Variants in CADPS2 observed in about 807,000 individuals in gnomAD.
CADPS2 encodes the protein calcium dependent secretion activator 2.
A neutral mutation model predicts 172.5 loss-of-function variants in CADPS2; 93 were observed. The observed-to-expected ratio is 0.54, with a 90% CI of 0.46 to 0.64. CADPS2 has a LOEUF of 0.64. Among genes scored for constraint, CADPS2 ranks in the 30% least tolerant of loss-of-function variants. The pLI, the probability that CADPS2 is intolerant of heterozygous loss-of-function variation, is 0.00. For synonymous variants in CADPS2, 546 were observed against 555.2 expected (o/e 0.98, Z 0.23); for missense variants, 1,420 against 1,565.9 (o/e 0.91, Z 1.57).
At position 122,701,909 on chromosome 7, in the gene CADPS2, T is replaced by A. The variant is rs150450224; in HGVS notation, c.453+35046A>T. The A allele has an allele frequency of 1.1e-5, 18 of 1,613,632 alleles. No individual in the cohort carries two copies. Among genetic ancestry groups the A allele is most frequent in the Non-Finnish European group, 1.4e-5 (17 of 1,179,642 alleles). On this transcript the variant is annotated intron_variant, in intron 2 of 29. Coordinates refer to ENST00000449022, the MANE Select transcript of CADPS2 (RefSeq NM_017954.11). Reference sequence around the variant, plus strand: ...AAGCCAGGGGTCAATGCATGCCTTATGGAAAAAATGTTTGCAAGTTAAAAT... The same window carrying A: ...AAGCCAGGGGTCAATGCATGCCTTAAGGAAAAAATGTTTGCAAGTTAAAAT...
intron 1 of CADPS2, among the ~76,000 whole-genome samples, chr7:122,761,885 C>T (rs1382908810): frequency 6.7e-6 from 1 of 149,208 alleles, no homozygotes; most frequent in East Asian, 2.0e-4. Flanking sequence ...GTAATCCTAG[C>T]TACTACGGAA....
chr7:122,850,748 C>T (rs1314140541), intron 1 of CADPS2, among the ~76,000 whole-genome samples: 1 of 152,196 alleles, frequency 6.6e-6, no homozygotes, highest in African/African-American at 2.4e-5. Context: ...TCCACAAAGC[C>T]TTATTATCAA....
chr7:122,735,260 A>C (rs2092066029), intron 2 of CADPS2, among the ~76,000 whole-genome samples: 2 of 152,126 alleles, frequency 1.3e-5, no homozygotes, highest in African/African-American at 4.8e-5. Context: ...TTTCCACCCA[A>C]GTCCTAGTTT....
intron 5 of CADPS2, among the ~76,000 whole-genome samples, chr7:122,621,149 G>A (rs1469287524): frequency 6.6e-6 from 1 of 151,820 alleles, no homozygotes; most frequent in African/African-American, 2.4e-5. Flanking sequence ...TGATCCTCTC[G>A]CCTCGGCCTC....
chr7:122,425,781 C>T (rs2049098664), intron 17 of CADPS2, among the ~76,000 whole-genome samples: 1 of 152,092 alleles, frequency 6.6e-6, no homozygotes, highest in African/African-American at 2.4e-5. Flanking sequence ...AAATCAAATA[C>T]TGAATCACAT....
chr7:122,355,582 TAA>T (rs11348437), intron 27 of CADPS2, among the ~76,000 whole-genome samples: 68 of 142,292 alleles, frequency 4.8e-4, no homozygotes, highest in Middle Eastern at 3.7e-3. Context: ...GCTGTCTTAT[TAA>T]AAAAAAAAAA....
At chr7:122,833,006 T>C (rs1807070385) in intron 1 of CADPS2, among the ~76,000 whole-genome samples, 1 of 152,212 alleles carries the variant, frequency 6.6e-6, no homozygotes, top group South Asian at 2.1e-4. Context: ...TTCTAACATC[T>C]ATTTCCTATG....
At chr7:122,835,101 T>A (rs1807938243) in intron 1 of CADPS2, among the ~76,000 whole-genome samples, 1 of 152,202 alleles carries the variant, frequency 6.6e-6, no homozygotes, top group Non-Finnish European at 1.5e-5. Context: ...AGAGGAATGA[T>A]CAGGCAGCAA....
At chr7:122,662,651 G>C (rs1404913008) in intron 3 of CADPS2, among the ~76,000 whole-genome samples, 2 of 152,110 alleles carry the variant, frequency 1.3e-5, no homozygotes, top group African/African-American at 4.8e-5. Flanking sequence ...TGGGTTACAG[G>C]CGTGAGCCAC....
At position 122,456,160 on chromosome 7, in the gene CADPS2, T is replaced by C. The variant is rs553772559; in HGVS notation, c.2187-4685A>G. Among the ~76,000 whole-genome samples the C allele has an allele frequency of 2.1e-3, 324 of 152,112 alleles. 2 individuals are homozygous for C. The highest frequency in any genetic ancestry group is 3.6e-3 in the Non-Finnish European group (246 of 68,004). ...TCTTTAGTGTTTAATTTTATTTTAA[T>C]TAATAATAAAATAATTTACTTTAAA... On this transcript the variant is annotated intron_variant, in intron 14 of 29. Transcript: ENST00000449022.
intron 20 of CADPS2, among the ~76,000 whole-genome samples, chr7:122,397,404 G>T (rs935143730): frequency 6.8e-6 from 1 of 147,956 alleles, no homozygotes; most frequent in Non-Finnish European, 1.5e-5. Context: ...GGGGAAGGAG[G>T]GAGTGGGGGA....
chr7:122,702,685 A>G, intron 2 of CADPS2: 1 of 1,613,010 alleles, frequency 6.2e-7, no homozygotes, highest in Non-Finnish European at 8.5e-7. Flanking sequence ...GTAGAAAGAT[A>G]CTAAGCCTCA....
chr7:122,493,924 T>C (rs550844946), intron 9 of CADPS2, among the ~76,000 whole-genome samples: 2 of 152,172 alleles, frequency 1.3e-5, no homozygotes, highest in African/African-American at 2.4e-5. Flanking sequence ...TTCTCTATAA[T>C]CAATTTTGTC....
chr7:122,501,874 CAAAAAAAAAAAAAAA>C (rs1173009562), intron 9 of CADPS2, among the ~76,000 whole-genome samples: 1 of 42,170 alleles, frequency 2.4e-5, no homozygotes, highest in South Asian at 1.2e-3. Flanking sequence ...GACTCCGTCT[CAAAAAAAAAAAAAAA>C]AAAAAAAAAG....
At chr7:122,345,861 C>A (rs974234512) in intron 27 of CADPS2, among the ~76,000 whole-genome samples, 180 bp from the exon 28 acceptor site, 2 of 149,438 alleles carry the variant, frequency 1.3e-5, no homozygotes, top group Non-Finnish European at 3.0e-5. Context: ...AAGTTTATTA[C>A]TGATGTTCAC....
chr7:122,539,815 TTC>T (rs2062733279), intron 8 of CADPS2, among the ~76,000 whole-genome samples: 3 of 146,884 alleles, frequency 2.0e-5, no homozygotes, highest in African/African-American at 7.3e-5. Context: ...ATCTCTGTCT[TTC>T]TGTCTCTCTC....
chr7:122,671,932 A>G (rs575110971), intron 2 of CADPS2, among the ~76,000 whole-genome samples: 3 of 152,198 alleles, frequency 2.0e-5, no homozygotes, highest in African/African-American at 7.2e-5. Flanking sequence ...ACTGATTCCT[A>G]TTATATGCTC....
At chr7:122,345,048 C>T (rs370645255) in intron 28 of CADPS2, among the ~76,000 whole-genome samples, 5 of 151,914 alleles carry the variant, frequency 3.3e-5, no homozygotes, top group East Asian at 3.9e-4. Context: ...GAAGGCACCC[C>T]GCCATCCCCC....
intron 2 of CADPS2, among the ~76,000 whole-genome samples, chr7:122,689,212 C>A (rs1264913163): frequency 6.6e-6 from 1 of 152,178 alleles, no homozygotes; most frequent in Non-Finnish European, 1.5e-5. Context: ...GGCGCTCAAT[C>A]ACCTTAACCT....
Sources: gnomAD v4.1 joint callset for allele counts (sites outside exome capture counted in the v4.1 genomes callset) on GRCh38, gnomAD v4.1.1 for gene constraint, MANE v1.5 for transcripts, NCBI Gene and HGNC (gene_info 2026-07-23, HGNC 2026-07-21) for gene names.